ALK: variants seen among roughly 807,000 people sequenced by gnomAD.
The protein encoded by ALK is ALK receptor tyrosine kinase.
Under a neutral mutation model 163.1 loss-of-function variants are expected in ALK, and 74 were observed. The observed-to-expected ratio is 0.45, with a 90% CI of 0.38 to 0.55. The LOEUF (loss-of-function observed/expected upper bound fraction) is 0.55. ALK is among the 20% of genes least tolerant of loss of function. The pLI, the probability that ALK is intolerant of heterozygous loss-of-function variation, is 0.00. For missense variants in ALK, 2,063 were observed against 2,105.3 expected (o/e 0.98, Z 0.39); for synonymous variants, 960 against 843.2 (o/e 1.14, Z -2.40).
rs79093007 is a variant in ALK, at chr2:29,266,120, A to G, written c.2041+8979T>C. On this transcript the variant is annotated intron_variant, in intron 11 of 28. Coordinates refer to ENST00000389048, the MANE Select transcript of ALK (RefSeq NM_004304.5). The stretch of plus-strand genomic sequence containing the variant: ...CATCCATTGTTTTCAAGATCTTGAT[A>G]AGCTTTAGAAGACTAAAGATCCTCT... Among the ~76,000 whole-genome samples the G allele has an allele frequency of 1.6e-3, 245 of 152,390 alleles. 5 individuals are homozygous for G. The East Asian group carries it at 0.045, about 28-fold the overall frequency.
At chr2:29,717,044 AG>A (rs1206304294) in intron 2 of ALK, among the ~76,000 whole-genome samples, 1 of 147,746 alleles carries the variant, frequency 6.8e-6, no homozygotes, top group Non-Finnish European at 1.5e-5. Flanking sequence ...TGGTAGTGGG[AG>A]CCTGTAGTCC....
chr2:29,492,425 G>T (rs191868625), intron 4 of ALK, among the ~76,000 whole-genome samples: 2 of 152,274 alleles, frequency 1.3e-5, no homozygotes, highest in African/African-American at 4.8e-5. Flanking sequence ...TGATGGCTCG[G>T]GTGAGGATTG....
At chr2:29,902,315 CT>C (rs1247640726) in intron 1 of ALK, among the ~76,000 whole-genome samples, 1 of 152,202 alleles carries the variant, frequency 6.6e-6, no homozygotes, top group Non-Finnish European at 1.5e-5. Context: ...TTGAATTTCT[CT>C]TTTTCGGCCC....
chr2:29,793,066 C>T (rs974727385), intron 1 of ALK, among the ~76,000 whole-genome samples: 2 of 152,160 alleles, frequency 1.3e-5, no homozygotes, highest in East Asian at 1.9e-4. Context: ...TGAAGTCAAT[C>T]GTCTCAAACC....
In ALK at chr2:29,510,409, A is replaced by G. The variant is rs534338931; in HGVS notation, c.1154+21506T>C. On this transcript the variant is annotated intron_variant, in intron 4 of 28. Coordinates refer to ENST00000389048, the MANE Select transcript of ALK (RefSeq NM_004304.5). Reference sequence around the variant, plus strand: ...ATGGTGGGCCAACAAAGCATAAAACATGGCCCCAAAATAGAAGAAGCTTGT... The same window carrying G: ...ATGGTGGGCCAACAAAGCATAAAACGTGGCCCCAAAATAGAAGAAGCTTGT... 2.1e-3 allele frequency among the ~76,000 whole-genome samples: 317 copies of G among 152,278 alleles called. 2 individuals are homozygous for G. Among genetic ancestry groups the G allele is most frequent in the Non-Finnish European group, 3.5e-3 (239 of 67,990 alleles).
chr2:29,506,037 C>A (rs1191537889), intron 4 of ALK, among the ~76,000 whole-genome samples: 1 of 152,108 alleles, frequency 6.6e-6, no homozygotes. Context: ...GGCATCTCAC[C>A]TCACCCGATG....
At chr2:29,242,524 G>A (rs959610846) in intron 12 of ALK, among the ~76,000 whole-genome samples, 4 of 151,876 alleles carry the variant, frequency 2.6e-5, no homozygotes, top group East Asian at 1.9e-4. Flanking sequence ...TTCTCACCCC[G>A]CTCCCCTCAA....
intron 5 of ALK, among the ~76,000 whole-genome samples, chr2:29,364,149 G>A (rs1668448830): frequency 6.6e-6 from 1 of 152,188 alleles, no homozygotes; most frequent in African/African-American, 2.4e-5. Context: ...ACGAAAGGGA[G>A]GCTATTCAGA....
At chr2:29,889,695 CAGAGAGAGAGAGAGAGAGAGAG>C (rs869083201) in intron 1 of ALK, among the ~76,000 whole-genome samples, 27,265 of 102,140 alleles carry the variant, frequency 0.27, 4,185 homozygotes, top group Middle Eastern at 0.31. Context: ...GATAGATAGA[CAGAGAGAGAGAGAGAGAGAGAG>C]AGAGAGAGAG....
At chr2:29,843,657 T>C (rs1665758835) in intron 1 of ALK, among the ~76,000 whole-genome samples, 2 of 152,154 alleles carry the variant, frequency 1.3e-5, no homozygotes, top group South Asian at 4.1e-4. Flanking sequence ...AAGACCAAAG[T>C]GGTCATTGAT....
intron 3 of ALK, among the ~76,000 whole-genome samples, chr2:29,634,205 C>G (rs12995060): frequency 0.64 from 96,251 of 151,318 alleles, 31,577 homozygotes; most frequent in Middle Eastern, 0.73. Flanking sequence ...TCAAGTGATT[C>G]TCCTGCCTCA....
intron 1 of ALK, among the ~76,000 whole-genome samples, chr2:29,756,036 A>G (rs945018946): frequency 9.8e-5 from 15 of 152,366 alleles, no homozygotes; most frequent in African/African-American, 3.6e-4. Flanking sequence ...AAGCCCGAGC[A>G]CTGAGCGGGA....
At position 29,196,820 on chromosome 2, in the gene ALK, CT is replaced by C. The variant is rs1558606127; in HGVS notation, c.4113del (p.Asp1372ThrfsTer21). The C allele has an allele frequency of 6.2e-7, 1 of 1,614,188 alleles. No homozygotes were observed. Among genetic ancestry groups the C allele is most frequent in the Non-Finnish European group, 8.5e-7 (1 of 1,179,996 alleles). On this transcript the variant is annotated frameshift_variant, in exon 28 of 29. Coordinates refer to ENST00000389048, the MANE Select transcript of ALK (RefSeq NM_004304.5). LOFTEE classifies it high-confidence loss of function. ...IMTQCWQHQP[E>X]DRPNFAIILE... ...AAAATGATGGCAAAGTTGGGCCTGT[CT>C]TCAGGCTGATGTTGCCAGCACTGAG...
At chr2:29,448,374 T>A (rs1006614865) in intron 4 of ALK, among the ~76,000 whole-genome samples, 4 of 152,194 alleles carry the variant, frequency 2.6e-5, no homozygotes, top group Non-Finnish European at 5.9e-5. Context: ...CTCTTCTTAA[T>A]AGACTTGAAC....
chr2:29,207,954 G>A (rs554572166), intron 25 of ALK: 11 of 421,822 alleles, frequency 2.6e-5, no homozygotes, highest in South Asian at 1.8e-4. Flanking sequence ...TCCTGTGTGA[G>A]TGTGTTACAG....
At chr2:29,343,209 ATTT>A (rs72225984) in intron 5 of ALK, among the ~76,000 whole-genome samples, 2 of 70,788 alleles carry the variant, frequency 2.8e-5, no homozygotes, top group Non-Finnish European at 3.6e-5. Flanking sequence ...AAATTTAAAA[ATTT>A]TTTTTTTTTT....
chr2:29,466,297 T>C (rs1671211569), intron 4 of ALK, among the ~76,000 whole-genome samples: 1 of 152,060 alleles, frequency 6.6e-6, no homozygotes, highest in Non-Finnish European at 1.5e-5. Flanking sequence ...TCATCTATTG[T>C]TTCTATGTCC....
At chr2:29,500,412 G>A (rs1254761799) in intron 4 of ALK, among the ~76,000 whole-genome samples, 1 of 152,076 alleles carries the variant, frequency 6.6e-6, no homozygotes, top group Non-Finnish European at 1.5e-5. Flanking sequence ...GTTTCCTCAG[G>A]CCTCCTGAGA....
chr2:29,225,911 C>T (rs952233091), intron 18 of ALK, among the ~76,000 whole-genome samples: 2 of 152,114 alleles, frequency 1.3e-5, no homozygotes, highest in African/African-American at 4.8e-5. Context: ...GACCAAACAA[C>T]AGGGTGCGCT....
Sources: gnomAD v4.1 joint callset for allele counts (sites outside exome capture counted in the v4.1 genomes callset) on GRCh38, gnomAD v4.1.1 for gene constraint, MANE v1.5 for transcripts, NCBI Gene and HGNC (gene_info 2026-07-23, HGNC 2026-07-21) for gene names.